DNAH3: variants seen among roughly 807,000 people sequenced by gnomAD.
DNAH3 encodes axonemal beta dynein heavy chain 3.
A neutral mutation model predicts 432.5 loss-of-function variants in DNAH3; 332 were observed. That is an observed-to-expected ratio of 0.77 (90% CI 0.70 to 0.84). The LOEUF is 0.84. Ranked by LOEUF, DNAH3 falls within the 40% of genes least tolerant of loss-of-function variation. The pLI is 0.00. For synonymous variants in DNAH3, 1,956 were observed against 1,900.2 expected (o/e 1.03, Z -0.76); for missense variants, 4,861 against 5,114.0 (o/e 0.95, Z 1.51).
At chr16:20,993,320 T>C (rs763523031) in intron 44 of DNAH3, among the ~76,000 whole-genome samples, 7 of 152,150 alleles carry the variant, frequency 4.6e-5, no homozygotes, top group Non-Finnish European at 5.9e-5. Flanking sequence ...TAATATCACC[T>C]CTCCATTTAG....
intron 31 of DNAH3, among the ~76,000 whole-genome samples, chr16:21,048,091 G>C (rs1207595238): frequency 6.6e-6 from 1 of 152,236 alleles, no homozygotes; most frequent in Non-Finnish European, 1.5e-5. Flanking sequence ...CTGTCAGACA[G>C]GGACATTTAA....
intron 40 of DNAH3, among the ~76,000 whole-genome samples, chr16:21,021,447 T>A (rs2088215391): frequency 6.6e-6 from 1 of 152,106 alleles, no homozygotes; most frequent in Non-Finnish European, 1.5e-5. Context: ...AATGATGGGG[T>A]AATTTGCACT....
intron 41 of DNAH3, among the ~76,000 whole-genome samples, chr16:21,008,436 C>T (rs144589177): frequency 1.3e-5 from 2 of 152,118 alleles, no homozygotes; most frequent in Non-Finnish European, 2.9e-5. Context: ...AGCACTGTAC[C>T]CTCTCTCTGA....
chr16:21,095,107 T>A (rs1260775438), intron 18 of DNAH3, among the ~76,000 whole-genome samples: 1 of 152,130 alleles, frequency 6.6e-6, no homozygotes, highest in Non-Finnish European at 1.5e-5. Flanking sequence ...TTATCACACA[T>A]TGGTGAGGGA....
chr16:21,009,957 A>C (rs929798645), intron 41 of DNAH3, among the ~76,000 whole-genome samples: 14 of 142,110 alleles, frequency 9.9e-5, no homozygotes, highest in Non-Finnish European at 1.6e-4. Flanking sequence ...AAGGAAGGGA[A>C]GGGAAGAGGA....
intron 41 of DNAH3, among the ~76,000 whole-genome samples, chr16:21,016,967 C>T (rs900863830): frequency 1.3e-5 from 2 of 151,728 alleles, no homozygotes; most frequent in African/African-American, 4.8e-5. Flanking sequence ...TTTATGGTGA[C>T]AGAAAGTAGA....
chr16:21,038,838 T>G (rs185922881), intron 33 of DNAH3, among the ~76,000 whole-genome samples: 1 of 152,328 alleles, frequency 6.6e-6, no homozygotes. Flanking sequence ...AAATGTCATA[T>G]GACTGAGGCA....
In DNAH3 at chr16:21,083,154, T is replaced by G. The variant is rs569409718; in HGVS notation, c.2878-1427A>C. Among the ~76,000 whole-genome samples the G allele has an allele frequency of 2.6e-5, 4 of 152,092 alleles. No homozygotes were observed. In the South Asian group the frequency reaches 6.2e-4, roughly 24 times the overall value. ...CCTCAGCCTCCCAAGTAGTTGGGAT[T>G]ACAGGCGCATGGCACCACGCCCGGC... On this transcript the variant is annotated intron_variant, in intron 19 of 61. Coordinates refer to ENST00000261383, the Ensembl canonical transcript of DNAH3.
At chr16:21,088,992 C>G (rs1160484312) in intron 18 of DNAH3, among the ~76,000 whole-genome samples, 1 of 152,132 alleles carries the variant, frequency 6.6e-6, no homozygotes, top group Non-Finnish European at 1.5e-5. Flanking sequence ...TGTGTCTCTA[C>G]TGGAAATTAA....
intron 59 of DNAH3, among the ~76,000 whole-genome samples, chr16:20,941,096 A>G (rs1477325375): frequency 6.6e-6 from 1 of 152,114 alleles, no homozygotes; most frequent in African/African-American, 2.4e-5. Context: ...AGAGACCTCA[A>G]CTCAGGAAAG....
intron 57 of DNAH3, among the ~76,000 whole-genome samples, chr16:20,947,718 A>G (rs1183824914): frequency 1.3e-5 from 2 of 152,154 alleles, no homozygotes; most frequent in African/African-American, 4.8e-5. Flanking sequence ...AGTAGTAGAA[A>G]AATACAATTT....
At chr16:20,969,848 C>A (rs1426901830) in exon 52 of DNAH3, 2 of 1,614,078 alleles carry the variant, frequency 1.2e-6, no homozygotes, top group East Asian at 4.5e-5. Flanking sequence ...GATGCAGATG[C>A]TCTCCATGAC....
At chr16:21,071,558 G>C (rs190301237) in intron 21 of DNAH3, among the ~76,000 whole-genome samples, 1 of 152,158 alleles carries the variant, frequency 6.6e-6, no homozygotes, top group South Asian at 2.1e-4. Flanking sequence ...GTCTTGCAGG[G>C]AATAGGACTT....
At chr16:21,027,156 CAG>C (rs2088612344) in intron 37 of DNAH3, 29 bp from the exon 38 acceptor site, 2 of 1,538,334 alleles carry the variant, frequency 1.3e-6, no homozygotes, top group Non-Finnish European at 1.8e-6. Flanking sequence ...GGGTAGCAGA[CAG>C]GGGAAAGGCT....
chr16:21,076,288 T>C (rs146336352), intron 20 of DNAH3, among the ~76,000 whole-genome samples: 152 of 152,284 alleles, frequency 1.0e-3, no homozygotes, highest in Admixed American at 3.7e-3. Context: ...GGGAAGACCA[T>C]GTCAATTCAT....
intron 34 of DNAH3, 45 bp from the exon 35 acceptor site, chr16:21,036,893 G>A: frequency 6.7e-7 from 1 of 1,498,854 alleles, no homozygotes; most frequent in Non-Finnish European, 9.2e-7. Flanking sequence ...TAAAGTATCA[G>A]ATATATGACC....
At chr16:21,087,154 C>A in intron 18 of DNAH3, 94 bp from the exon 19 acceptor site, 1 of 1,062,304 alleles carries the variant, frequency 9.4e-7, no homozygotes, top group South Asian at 1.4e-5. Context: ...TGCCTCCTGT[C>A]GTTTGGAGAT....
At chr16:20,963,950 C>T in exon 53 of DNAH3, 1 of 1,614,096 alleles carries the variant, frequency 6.2e-7, no homozygotes, top group Non-Finnish European at 8.5e-7. Flanking sequence ...TCGATGTTGG[C>T]CAGGTCCGAG....
Position 20,963,303 on chromosome 16 carries a change from T to TG in DNAH3, c.10580dup (p.Ser3528LysfsTer13). On this transcript the variant is annotated frameshift_variant, in exon 53 of 62. Coordinates refer to ENST00000261383, the Ensembl canonical transcript of DNAH3. LOFTEE classifies it high-confidence loss of function. ...TCTTACCTGCCATTGGGTCTGCACT[T>TG]GGAGACAACACAAAAATCAAAGGCG... 1 of 1,613,884 alleles carries TG rather than the reference T, an allele frequency of 6.2e-7. No individual in the cohort carries two copies. Among genetic ancestry groups the TG allele is most frequent in the Non-Finnish European group, 8.5e-7 (1 of 1,179,946 alleles).
Sources: gnomAD v4.1 joint callset for allele counts (sites outside exome capture counted in the v4.1 genomes callset) on GRCh38, gnomAD v4.1.1 for gene constraint, MANE v1.5 for transcripts, NCBI Gene and HGNC (gene_info 2026-07-23, HGNC 2026-07-21) for gene names.